Variants in NUDT3 observed in about 807,000 individuals in gnomAD.
NUDT3 encodes diphosphoinositol polyphosphate phosphohydrolase 1.
Under a neutral mutation model 23.6 loss-of-function variants are expected in NUDT3, and 9 were observed. That is an observed-to-expected ratio of 0.38 (90% confidence interval 0.23 to 0.66). NUDT3 has a LOEUF of 0.66. Ranked by LOEUF, NUDT3 falls within the 30% of genes least tolerant of loss-of-function variation. The pLI, the probability that NUDT3 is intolerant of heterozygous loss-of-function variation, is 0.52. For missense variants in NUDT3, 172 were observed against 218.5 expected, an observed-to-expected ratio of 0.79 and a Z score of 1.34; for synonymous variants, 86 against 82.6, an observed-to-expected ratio of 1.04 and a Z score of -0.22.
intron 2 of NUDT3, among the ~76,000 whole-genome samples, chr6:34,299,452 A>G (rs1387893038): frequency 1.3e-5 from 2 of 151,872 alleles, no homozygotes; most frequent in Non-Finnish European, 2.9e-5. Context: ...TTTTTAAGAG[A>G]CAGGGTCTCA....
Position 34,280,641 on chromosome 6 carries a change from C to T in NUDT3, c.*8112G>A, listed in dbSNP as rs1470729664. The T allele has an allele frequency of 6.6e-6, 1 of 152,230 alleles. No homozygotes were observed. Among genetic ancestry groups the T allele is most frequent in the South Asian group, 2.1e-4 (1 of 4,838 alleles). The allele number at this position is 152,230 out of a possible 1,614,324, so 9.4% of individuals were successfully genotyped here. On this transcript the variant is annotated 3_prime_UTR_variant, in exon 5 of 5. Transcript: ENST00000607016. ...ATCCCTTTCTACAATTATGAACACA[C>T]TCTCTAAACAGGAGATCTATATATG...
chr6:34,308,273 C>G (rs1036273146), intron 2 of NUDT3, among the ~76,000 whole-genome samples: 1 of 147,534 alleles, frequency 6.8e-6, no homozygotes, highest in Non-Finnish European at 1.5e-5. Flanking sequence ...GCCTGGTCAA[C>G]ATAGGGACAC....
chr6:34,298,142 G>T (rs2113698618), intron 2 of NUDT3, among the ~76,000 whole-genome samples: 1 of 152,074 alleles, frequency 6.6e-6, no homozygotes, highest in Non-Finnish European at 1.5e-5. Context: ...TAGGTGGACT[G>T]CTTGAGCCCA....
chr6:34,291,303 G>GT (rs543519854), intron 4 of NUDT3, among the ~76,000 whole-genome samples: 150 of 151,908 alleles, frequency 9.9e-4, no homozygotes, highest in African/African-American at 3.5e-3. Context: ...AACGTTCCCC[G>GT]TTTTTTCTTT....
chr6:34,345,173 C>T (rs542713580), intron 1 of NUDT3, among the ~76,000 whole-genome samples: 65 of 151,780 alleles, frequency 4.3e-4, no homozygotes, highest in Admixed American at 2.6e-4. Context: ...CTCAGCCTCC[C>T]GAGTAGCTGG....
At chr6:34,366,473 A>G (rs887460391) in intron 1 of NUDT3, among the ~76,000 whole-genome samples, 8 of 29,782 alleles carry the variant, frequency 2.7e-4, no homozygotes, top group South Asian at 1.6e-3. Flanking sequence ...AGAGAGAGGG[A>G]AGGGAGGGAG....
chr6:34,375,520 C>T (rs987573460), intron 1 of NUDT3, among the ~76,000 whole-genome samples: 4 of 152,166 alleles, frequency 2.6e-5, no homozygotes, highest in African/African-American at 9.7e-5. Context: ...AAAACTATCA[C>T]TTCAATCCTG....
Position 34,285,677 on chromosome 6 carries a change from G to A in NUDT3, c.*3076C>T, listed in dbSNP as rs1431637204. On this transcript the variant is annotated 3_prime_UTR_variant, in exon 5 of 5. Coordinates refer to ENST00000607016, the MANE Select transcript of NUDT3 (RefSeq NM_006703.4). ...GATTATTTTCTTTGGGGAGATAAAG[G>A]TATTGCAACCATGGGTCTAACTAAT... is the stretch of plus-strand genomic sequence containing the variant. The A allele has an allele frequency of 2.0e-5, 3 of 152,178 alleles. No homozygotes were observed. Among genetic ancestry groups the A allele is most frequent in the Non-Finnish European group, 2.9e-5 (2 of 68,018 alleles). 9.4% of individuals were successfully genotyped at this position (152,178 alleles called of 1,614,324 possible). A position where few individuals can be genotyped will look rare whatever the true frequency, so the allele number is the denominator to read the frequency against.
At chr6:34,290,245 CTT>C (rs765049070) in intron 4 of NUDT3, among the ~76,000 whole-genome samples, 2 of 143,960 alleles carry the variant, frequency 1.4e-5, no homozygotes, top group Non-Finnish European at 1.5e-5. Flanking sequence ...TTCTTTCTCT[CTT>C]TTTTTTTTTT....
intron 2 of NUDT3, among the ~76,000 whole-genome samples, chr6:34,323,657 G>T (rs1763979881): frequency 6.6e-6 from 1 of 152,166 alleles, no homozygotes; most frequent in Non-Finnish European, 1.5e-5. Flanking sequence ...AGAAATACAT[G>T]CTAAAGAATA....
rs532142818 is a variant in NUDT3 at position 34,350,520 on chromosome 6, A to G, written c.100-8548T>C. Among the ~76,000 whole-genome samples, 2 of 151,064 alleles carry G rather than the reference A, an allele frequency of 1.3e-5. 1 individual carries two copies. The highest frequency in any genetic ancestry group is 4.2e-4 in the South Asian group (2 of 4,782). ...AGTGTTTTAAAGAACAGCTGTCACAAAGTCTTGTGCATGATGATCCCATAA... is the reference window on the plus strand; with the variant it reads ...AGTGTTTTAAAGAACAGCTGTCACAGAGTCTTGTGCATGATGATCCCATAA... On this transcript the variant is annotated intron_variant, in intron 1 of 4. Transcript: ENST00000607016.
In NUDT3 at chr6:34,288,708, TCA is replaced by T. The variant is rs531582271; in HGVS notation, c.*43_*44del. On this transcript the variant is annotated 3_prime_UTR_variant, in exon 5 of 5. Coordinates refer to ENST00000607016, the MANE Select transcript of NUDT3 (RefSeq NM_006703.4). ...CAGGGTGAGAGGGAAGATTTGCACT[TCA>T]GTCTAGTTTCCAATTTCCATTTCTC... The T allele has an allele frequency of 3.3e-3, 5,236 of 1,578,078 alleles. 19 individuals are homozygous for T. Among genetic ancestry groups the T allele is most frequent in the Admixed American group, 5.8e-3 (313 of 53,768 alleles).
chr6:34,280,791 C>G lies in NUDT3; in HGVS notation c.*7962G>C, dbSNP rs1016272447. ...TTCTGGTGGGATAGAGCAGTCTAGT[C>G]TGAGCCACTGTGTGATTCCCCAGGG... On this transcript the variant is annotated 3_prime_UTR_variant, in exon 5 of 5. Coordinates refer to ENST00000607016, the MANE Select transcript of NUDT3 (RefSeq NM_006703.4). The G allele has an allele frequency of 6.6e-6, 1 of 152,182 alleles. No individual in the cohort carries two copies. The highest frequency in any genetic ancestry group is 1.5e-5 in the Non-Finnish European group (1 of 68,032). The allele number at this position is 152,182 out of a possible 1,614,324, so 9.4% of individuals were successfully genotyped here.
chr6:34,341,208 T>C (rs2113734276), intron 2 of NUDT3, among the ~76,000 whole-genome samples: 1 of 152,266 alleles, frequency 6.6e-6, no homozygotes, highest in South Asian at 2.1e-4. Flanking sequence ...TTCGTTTCTC[T>C]GGGTTTTCAA....
chr6:34,368,794 A>T (rs1764782593), intron 1 of NUDT3, among the ~76,000 whole-genome samples: 1 of 152,022 alleles, frequency 6.6e-6, no homozygotes, highest in Admixed American at 6.6e-5. Context: ...TCCCGCCACC[A>T]CACCTGGCTC....
intron 1 of NUDT3, among the ~76,000 whole-genome samples, chr6:34,372,265 G>A (rs1398925929): frequency 5.9e-5 from 9 of 152,132 alleles, no homozygotes; most frequent in Non-Finnish European, 1.3e-4. Flanking sequence ...ACCCAGTAAT[G>A]GGATGGCTGG....
Position 34,369,762 on chromosome 6 carries a change from T to C in NUDT3, c.99+22502A>G, listed in dbSNP as rs144439157. On this transcript the variant is annotated intron_variant, in intron 1 of 4. Transcript: ENST00000607016. ...AATATTATAACTTATTATAACTGAA[T>C]AAACCACAAACAGAGCAGATGCCTG... Among the ~76,000 whole-genome samples, 713 of 152,110 alleles carry C rather than the reference T, an allele frequency of 4.7e-3. 7 individuals are homozygous for C. Among genetic ancestry groups the C allele is most frequent in the African/African-American group, 0.016 (665 of 41,566 alleles).
At position 34,341,826 on chromosome 6, in the gene NUDT3, C is replaced by T. The variant is rs373531291; in HGVS notation, c.210+36G>A. On this transcript the variant is annotated intron_variant, in intron 2 of 4. Coordinates refer to ENST00000607016, the MANE Select transcript of NUDT3 (RefSeq NM_006703.4). ...CACAGATAGGACAGGTTCATGATGA[C>T]GAGGCACAGCTGTGCCCTCTCTTCT... is the stretch of plus-strand genomic sequence containing the variant. 709 of 1,578,330 alleles carry T rather than the reference C, an allele frequency of 4.5e-4. 4 individuals are homozygous for T. The highest frequency in any genetic ancestry group is 2.6e-4 in the Admixed American group (15 of 58,584).
In NUDT3 at chr6:34,288,749, T is replaced by G; in HGVS notation, c.*4A>C. 1 of 1,607,216 alleles carries G rather than the reference T, an allele frequency of 6.2e-7. No homozygotes were observed. The highest frequency in any genetic ancestry group is 8.5e-7 in the Non-Finnish European group (1 of 1,177,924). ...TTTCCATTTCTCTTACAGGAAGTCT[T>G]CAGTCATCTGATGCCTGACATCGAG... On this transcript the variant is annotated 3_prime_UTR_variant, in exon 5 of 5. Transcript: ENST00000607016.
Sources: allele counts gnomAD v4.1 joint callset (sites outside exome capture counted in the v4.1 genomes callset), GRCh38; gene constraint gnomAD v4.1.1; transcripts MANE v1.5; gene names NCBI Gene and HGNC (gene_info 2026-07-23, HGNC 2026-07-21).